The following CASK variants were observed in gnomAD, a reference collection of about 807,000 sequenced individuals.
The protein encoded by CASK is calcium/calmodulin dependent serine protein kinase.
A neutral mutation model predicts 82.9 loss-of-function variants in CASK; 4 were observed. The observed-to-expected ratio is 0.05, with a 90% CI of 0.02 to 0.11. CASK has a LOEUF of 0.11. Among genes scored for constraint, CASK ranks in the 10% least tolerant of loss-of-function variants. The pLI is 1.00. For synonymous variants in CASK, 259 were observed against 253.5 expected (o/e 1.02, Z -0.20); for missense variants, 358 against 720.9 (o/e 0.50, Z 5.76).
intron 2 of CASK, among the ~76,000 whole-genome samples, chrX:41,825,475 T>C (rs2070644230): frequency 8.9e-6 from 1 of 112,354 alleles, no homozygotes; most frequent in Non-Finnish European, 1.9e-5. Context: ...AGCTTCACAA[T>C]TTTTGTTTCA....
intron 9 of CASK, among the ~76,000 whole-genome samples, chrX:41,628,943 A>G (rs1054573881): frequency 8.9e-6 from 1 of 112,064 alleles, no homozygotes; most frequent in Non-Finnish European, 1.9e-5. Flanking sequence ...TTTCCAAATG[A>G]AGTACAACTG....
At chrX:41,601,081 G>A (rs1474470412) in intron 12 of CASK, among the ~76,000 whole-genome samples, 1 of 111,572 alleles carries the variant, frequency 9.0e-6, no homozygotes, top group Non-Finnish European at 1.9e-5. Flanking sequence ...TAGAAGGGTG[G>A]TTGCCAGGGG....
At position 41,744,230 on chromosome X, in the gene CASK, C is replaced by T. The variant is rs935957410; in HGVS notation, c.356+1294G>A. On this transcript the variant is annotated intron_variant, in intron 4 of 26. Coordinates refer to ENST00000378163, the MANE Select transcript of CASK (RefSeq NM_001367721.1). ...TGTATTCCATGTATTAAAAAGGCAA[C>T]CTACAGGAGTGGGTAATTATGATTG... Among the ~76,000 whole-genome samples, 5 of 111,272 alleles carry T rather than the reference C, an allele frequency of 4.5e-5. No individual in the cohort carries two copies. The East Asian group carries it at 1.4e-3, about 31-fold the overall frequency.
intron 16 of CASK, among the ~76,000 whole-genome samples, chrX:41,569,178 A>C (rs942641385): frequency 4.5e-5 from 5 of 111,949 alleles, no homozygotes; most frequent in Non-Finnish European, 3.8e-5. Flanking sequence ...CTAATTCCTA[A>C]ATGAATGAGA....
At chrX:41,593,319 A>G (rs948004205) in intron 12 of CASK, among the ~76,000 whole-genome samples, 9 of 111,393 alleles carry the variant, frequency 8.1e-5, no homozygotes, top group African/African-American at 2.9e-4. Context: ...TAAGAACTGA[A>G]GCAGGAGGGA....
At chrX:41,796,414 G>A (rs973496479) in intron 2 of CASK, among the ~76,000 whole-genome samples, 1 of 111,843 alleles carries the variant, frequency 8.9e-6, no homozygotes, top group East Asian at 2.8e-4. Context: ...CAATCAAACC[G>A]AGTTTGACAC....
At chrX:41,677,939 A>T (rs1354886718) in intron 5 of CASK, among the ~76,000 whole-genome samples, 2 of 112,505 alleles carry the variant, frequency 1.8e-5, no homozygotes, top group African/African-American at 6.5e-5. Flanking sequence ...TTTTTGCTTC[A>T]TCTATCCCCA....
chrX:41,828,155 T>C (rs1181123587), intron 2 of CASK, among the ~76,000 whole-genome samples: 2 of 111,799 alleles, frequency 1.8e-5, no homozygotes, highest in Non-Finnish European at 3.8e-5. Context: ...CAGGACAGAT[T>C]TGGAATGTCT....
chrX:41,630,003 T>C (rs774534431), intron 9 of CASK, among the ~76,000 whole-genome samples: 1 of 112,025 alleles, frequency 8.9e-6, no homozygotes, highest in South Asian at 3.7e-4. Flanking sequence ...ATAATACTTT[T>C]GAGTTAATTA....
intron 12 of CASK, among the ~76,000 whole-genome samples, chrX:41,598,338 A>G (rs1057339744): frequency 7.2e-5 from 8 of 111,264 alleles, no homozygotes; most frequent in Non-Finnish European, 1.3e-4. Flanking sequence ...ATTAAACACT[A>G]GGAAGAAGTT....
Position 41,772,300 on chromosome X carries a change from G to A in CASK, c.278+14878C>T, listed in dbSNP as rs1423936579. 9.1e-5 allele frequency among the ~76,000 whole-genome samples: 8 copies of A among 88,222 alleles called. No homozygotes were observed. The Admixed American group carries it at 1.2e-3, about 13-fold the overall frequency. 76.6% of individuals were successfully genotyped at this position (88,222 alleles called of 115,157 possible). A position where few individuals can be genotyped will look rare whatever the true frequency, so the allele number is the denominator to read the frequency against. Reference sequence around the variant, plus strand: ...TGGGAGGTGGAGGTTGCAGTGAGCCGAGATCACGCCACTCCAGCCTGGGCA... The same window carrying A: ...TGGGAGGTGGAGGTTGCAGTGAGCCAAGATCACGCCACTCCAGCCTGGGCA... On this transcript the variant is annotated intron_variant, in intron 3 of 26. Coordinates refer to ENST00000378163, the MANE Select transcript of CASK (RefSeq NM_001367721.1).
intron 4 of CASK, 88 bp from the exon 5 acceptor site, chrX:41,739,544 C>T (rs1289620483): frequency 2.8e-5 from 16 of 575,383 alleles, no homozygotes; most frequent in Non-Finnish European, 4.5e-5. Flanking sequence ...AACTCCCACT[C>T]TCATATTAGC....
intron 5 of CASK, among the ~76,000 whole-genome samples, chrX:41,707,189 A>G (rs2067900607): frequency 1.8e-5 from 2 of 112,474 alleles, no homozygotes; most frequent in African/African-American, 3.2e-5. Context: ...TTTGACCAAT[A>G]AAATGTGGTA....
At chrX:41,679,907 A>C (rs1414612775) in intron 5 of CASK, among the ~76,000 whole-genome samples, 1 of 111,159 alleles carries the variant, frequency 9.0e-6, no homozygotes, top group Non-Finnish European at 1.9e-5. Flanking sequence ...AGTGCAAAAA[A>C]CGATTTAAAT....
chrX:41,561,733 T>C, intron 16 of CASK, 89 bp from the exon 17 acceptor site: 1 of 689,646 alleles, frequency 1.5e-6, no homozygotes, highest in South Asian at 2.5e-5. Flanking sequence ...TTTTAAAAAC[T>C]AAGTTGAATA....
At chrX:41,645,311 G>A (rs899253689) in intron 8 of CASK, among the ~76,000 whole-genome samples, 2 of 111,445 alleles carry the variant, frequency 1.8e-5, no homozygotes, top group East Asian at 2.8e-4. Context: ...AACTGCAGCC[G>A]AATGCCATTA....
At chrX:41,879,227 A>G (rs1169049122) in intron 1 of CASK, among the ~76,000 whole-genome samples, 1 of 111,474 alleles carries the variant, frequency 9.0e-6, no homozygotes, top group African/African-American at 3.3e-5. Flanking sequence ...TTTTTCAAAA[A>G]GTACTACAAG....
At chrX:41,803,414 G>A (rs1177609707) in intron 2 of CASK, among the ~76,000 whole-genome samples, 1 of 110,496 alleles carries the variant, frequency 9.1e-6, no homozygotes, top group African/African-American at 3.3e-5. Flanking sequence ...ATAGTGAAAC[G>A]CCATCTCTAC....
At chrX:41,833,034 C>G in intron 2 of CASK, among the ~76,000 whole-genome samples, 1 of 112,002 alleles carries the variant, frequency 8.9e-6, no homozygotes, top group Non-Finnish European at 1.9e-5. Flanking sequence ...AAGAGTGTTG[C>G]GTTGTCCGAC....
Sources: allele counts gnomAD v4.1 joint callset (sites outside exome capture counted in the v4.1 genomes callset), GRCh38; gene constraint gnomAD v4.1.1; transcripts MANE v1.5; gene names NCBI Gene and HGNC (gene_info 2026-07-23, HGNC 2026-07-21).